OPCML: variants seen among roughly 807,000 people sequenced by gnomAD.
The protein encoded by OPCML is opioid-binding protein/cell adhesion molecule.
Under a neutral mutation model 37.8 loss-of-function variants are expected in OPCML, and 13 were observed. The ratio of observed to expected loss-of-function variants is 0.34; its 90% CI spans 0.22 to 0.55. The LOEUF is 0.55. Ranked by LOEUF, OPCML falls within the 20% of genes least tolerant of loss-of-function variation. OPCML has a pLI of 0.91. For missense variants in OPCML, 341 were observed against 435.6 expected (o/e 0.78, Z 1.93); for synonymous variants, 176 against 168.8 (o/e 1.04, Z -0.33).
intron 2 of OPCML, among the ~76,000 whole-genome samples, chr11:132,857,878 C>T (rs1942124077): frequency 6.6e-6 from 1 of 152,068 alleles, no homozygotes; most frequent in Admixed American, 6.6e-5. Context: ...CAATTTTAAG[C>T]ATGTAAAAAG....
chr11:133,123,526 G>A (rs1040881263), intron 1 of OPCML, among the ~76,000 whole-genome samples: 1 of 152,096 alleles, frequency 6.6e-6, no homozygotes, highest in Non-Finnish European at 1.5e-5. Context: ...GCACGCCTCC[G>A]AGGGTGACAA....
At chr11:132,426,506 C>G (rs1209651587) in intron 7 of OPCML, among the ~76,000 whole-genome samples, 4 of 152,146 alleles carry the variant, frequency 2.6e-5, no homozygotes, top group Non-Finnish European at 4.4e-5. Context: ...GTGGCACGAT[C>G]TCGGCTGAAT....
chr11:133,137,887 T>A (rs1236189109), intron 1 of OPCML, among the ~76,000 whole-genome samples: 1 of 151,900 alleles, frequency 6.6e-6, no homozygotes, highest in Non-Finnish European at 1.5e-5. Flanking sequence ...TCTAGAGAGG[T>A]TTGCAAACAG....
chr11:132,578,597 A>AT (rs2096455902), intron 3 of OPCML, among the ~76,000 whole-genome samples: 1 of 152,206 alleles, frequency 6.6e-6, no homozygotes, highest in Admixed American at 6.5e-5. Context: ...GTAACATATT[A>AT]AACAGTTCAC....
At chr11:132,911,717 A>G (rs1944432906) in intron 2 of OPCML, among the ~76,000 whole-genome samples, 1 of 152,224 alleles carries the variant, frequency 6.6e-6, no homozygotes. Context: ...CAAAGAGTGC[A>G]AATATGACTT....
chr11:132,738,918 A>G (rs1344738831), intron 2 of OPCML, among the ~76,000 whole-genome samples: 1 of 152,210 alleles, frequency 6.6e-6, no homozygotes, highest in Non-Finnish European at 1.5e-5. Context: ...ATGCTAACCC[A>G]AAATATGCCA....
chr11:133,453,519 G>A (rs1946618567), intron 1 of OPCML, among the ~76,000 whole-genome samples: 1 of 152,150 alleles, frequency 6.6e-6, no homozygotes, highest in African/African-American at 2.4e-5. Flanking sequence ...ATGAAGACAA[G>A]CCAAACATAT....
chr11:132,943,249 G>T lies in OPCML; in HGVS notation c.62-239C>A. 9.0e-7 allele frequency: 1 copy of T among 1,109,348 alleles called. No homozygotes were observed. Among genetic ancestry groups the T allele is most frequent in the Non-Finnish European group, 1.3e-6 (1 of 787,038 alleles). 68.7% of individuals were successfully genotyped at this position (1,109,348 alleles called of 1,614,324 possible). A position where few individuals can be genotyped will look rare whatever the true frequency, so the allele number is the denominator to read the frequency against. On this transcript the variant is annotated intron_variant, in intron 1 of 7. Coordinates refer to ENST00000524381, the MANE Select transcript of OPCML (RefSeq NM_001012393.5). This position sits in a 1 kb window ranked among gnomAD's most constrained non-coding sequence, Gnocchi z 4.3. ...AGAAGAGAGGAGTCCGGGCTCTCCGGAGTCTGAGAATTCTTCCTCAGATCC... is the reference window on the plus strand; with the variant it reads ...AGAAGAGAGGAGTCCGGGCTCTCCGTAGTCTGAGAATTCTTCCTCAGATCC...
At chr11:132,693,331 C>T (rs180700986) in intron 2 of OPCML, among the ~76,000 whole-genome samples, 4 of 152,282 alleles carry the variant, frequency 2.6e-5, no homozygotes, top group Non-Finnish European at 4.4e-5. Context: ...ATTGTTAATA[C>T]ATTGCAGCTA....
At chr11:132,994,320 T>C (rs1307505728) in intron 1 of OPCML, among the ~76,000 whole-genome samples, 1 of 152,204 alleles carries the variant, frequency 6.6e-6, no homozygotes, top group African/African-American at 2.4e-5. Flanking sequence ...ATTAAACTTT[T>C]GATACAGGAC....
rs1352526637 is a variant in OPCML at position 133,499,832 on chromosome 11, A to ATGTG, written c.61+32428_61+32431dup. Among the ~76,000 whole-genome samples the ATGTG allele has an allele frequency of 5.9e-4, 83 of 140,882 alleles. 2 individuals carry two copies. Among genetic ancestry groups the ATGTG allele is most frequent in the African/African-American group, 2.1e-3 (77 of 36,480 alleles). The allele number at this position is 140,882 out of a possible 152,430, so 92.4% of individuals were successfully genotyped here. A position where few individuals can be genotyped will look rare whatever the true frequency, so the allele number is the denominator to read the frequency against. On this transcript the variant is annotated intron_variant, in intron 1 of 7. Coordinates refer to ENST00000524381, the MANE Select transcript of OPCML (RefSeq NM_001012393.5). ...TGTATATATATATACACACATATATATGTGTATGTATATATATATACATAC... is the reference window on the plus strand; with the variant it reads ...TGTATATATATATACACACATATATATGTGTGTGTATGTATATATATATACATAC...
intron 1 of OPCML, among the ~76,000 whole-genome samples, chr11:133,507,293 C>G (rs1023164554): frequency 6.6e-6 from 1 of 152,192 alleles, no homozygotes; most frequent in Non-Finnish European, 1.5e-5. Flanking sequence ...GGATGGGACA[C>G]AGTGCTGAAA....
At chr11:132,421,492 C>A (rs2095958935) in intron 7 of OPCML, among the ~76,000 whole-genome samples, 1 of 152,160 alleles carries the variant, frequency 6.6e-6, no homozygotes, top group South Asian at 2.1e-4. Context: ...GGTGAGGATT[C>A]ATGCCTTGCC....
chr11:132,710,072 C>T (rs1944200263), intron 2 of OPCML, among the ~76,000 whole-genome samples: 1 of 152,082 alleles, frequency 6.6e-6, no homozygotes, highest in Non-Finnish European at 1.5e-5. Context: ...ACAAGTACAT[C>T]GTAGTGGTTC....
chr11:132,908,010 G>A (rs1305804397), intron 2 of OPCML, among the ~76,000 whole-genome samples: 3 of 152,136 alleles, frequency 2.0e-5, no homozygotes, highest in African/African-American at 7.2e-5. Flanking sequence ...GTGTCCCAAA[G>A]CTGTTTGGTA....
chr11:132,561,237 C>T (rs889658182), intron 3 of OPCML, among the ~76,000 whole-genome samples: 3 of 152,204 alleles, frequency 2.0e-5, no homozygotes, highest in Admixed American at 2.0e-4. Flanking sequence ...TGAACTACTC[C>T]AACTACCTGC....
intron 2 of OPCML, among the ~76,000 whole-genome samples, chr11:132,896,491 A>C (rs1197655207): frequency 1.3e-5 from 2 of 152,246 alleles, no homozygotes; most frequent in African/African-American, 2.4e-5. Context: ...GCAGTTTTCA[A>C]AATGGTACCT....
intron 1 of OPCML, among the ~76,000 whole-genome samples, chr11:133,255,861 A>T (rs1454991122): frequency 4.6e-5 from 7 of 152,150 alleles, no homozygotes; most frequent in Non-Finnish European, 7.3e-5. Context: ...ATTATTATAC[A>T]TGTTTTGTCT....
chr11:132,898,066 G>T (rs1018053855), intron 2 of OPCML, among the ~76,000 whole-genome samples: 1 of 152,112 alleles, frequency 6.6e-6, no homozygotes, highest in Non-Finnish European at 1.5e-5. Flanking sequence ...ATGGTGGTAG[G>T]GATGGAGGTT....
Sources: allele counts gnomAD v4.1 joint callset (sites outside exome capture counted in the v4.1 genomes callset), GRCh38; gene constraint gnomAD v4.1.1; non-coding constraint Gnocchi (gnomAD v3.1); transcripts MANE v1.5; gene names NCBI Gene and HGNC (gene_info 2026-07-23, HGNC 2026-07-21).